The following INSIG1 variants were observed in gnomAD, a reference collection of about 807,000 sequenced individuals.
INSIG1 encodes the protein insulin induced gene 1.
Under a neutral mutation model 26.5 loss-of-function variants are expected in INSIG1, and 14 were observed. The ratio of observed to expected loss-of-function variants is 0.53; its 90% CI spans 0.35 to 0.83. INSIG1 has a LOEUF of 0.83. INSIG1 is among the 40% of genes least tolerant of loss of function. The pLI is 0.01. For synonymous variants in INSIG1, 147 were observed against 153.3 expected (o/e 0.96, Z 0.30); for missense variants, 272 against 368.9 (o/e 0.74, Z 2.15).
chr7:155,303,080 C>T, intron 5 of INSIG1: 1 of 382,952 alleles, frequency 2.6e-6, no homozygotes, highest in South Asian at 3.3e-5. Context: ...CTCGCACTGC[C>T]CCTTTGAATT....
chr7:155,305,489 T>C (rs908436873), intron 5 of INSIG1, among the ~76,000 whole-genome samples: 6 of 152,194 alleles, frequency 3.9e-5, no homozygotes, highest in Non-Finnish European at 8.8e-5. Context: ...ACTCTTGTCA[T>C]ACTGTTGACT....
chr7:155,304,435 G>A (rs1233983247), intron 5 of INSIG1, among the ~76,000 whole-genome samples: 2 of 152,194 alleles, frequency 1.3e-5, no homozygotes, highest in Non-Finnish European at 2.9e-5. Context: ...TCCTAAGAAG[G>A]TTTTTAGAAT....
At chr7:155,300,489 C>G (rs1277204946) in intron 2 of INSIG1, among the ~76,000 whole-genome samples, 1 of 152,000 alleles carries the variant, frequency 6.6e-6, no homozygotes, top group Non-Finnish European at 1.5e-5. Flanking sequence ...TCAGTTGAAC[C>G]TAAAATGTAT....
chr7:155,300,228 G>A (rs1425676741), intron 2 of INSIG1, among the ~76,000 whole-genome samples: 2 of 150,722 alleles, frequency 1.3e-5, no homozygotes, highest in African/African-American at 5.0e-5. Flanking sequence ...GGATCCTCAA[G>A]GGTTTCTAGG....
At chr7:155,308,078 C>CG (rs1350126480) in intron 5 of INSIG1, among the ~76,000 whole-genome samples, 163 bp from the exon 6 acceptor site, 1 of 152,156 alleles carries the variant, frequency 6.6e-6, no homozygotes, top group Non-Finnish European at 1.5e-5. Flanking sequence ...GAGCTGGCCT[C>CG]GGTCTCCAGT....
chr7:155,308,462 T>C lies in INSIG1; in HGVS notation c.*192T>C. ...AGAATGATGACTTACCCTGAAGTCTTCCCTTGACTGCCCGCACTGGCGCCT... is the reference window on the plus strand; with the variant it reads ...AGAATGATGACTTACCCTGAAGTCTCCCCTTGACTGCCCGCACTGGCGCCT... On this transcript the variant is annotated 3_prime_UTR_variant, in exon 6 of 6. Transcript: ENST00000340368. 1.4e-6 allele frequency: 1 copy of C among 699,654 alleles called. No individual in the cohort carries two copies. The highest frequency in any genetic ancestry group is 2.5e-6 in the Non-Finnish European group (1 of 394,430). 43.3% of individuals were successfully genotyped at this position (699,654 alleles called of 1,614,324 possible).
intron 5 of INSIG1, 198 bp downstream of exon 5, chr7:155,303,044 T>C (rs1797832480): frequency 2.1e-6 from 1 of 471,608 alleles, no homozygotes; most frequent in Non-Finnish European, 3.8e-6. Context: ...ATTCATAATA[T>C]TTGATCTAGA....
intron 5 of INSIG1, among the ~76,000 whole-genome samples, chr7:155,307,675 CAG>C (rs1797972516): frequency 1.3e-5 from 2 of 152,130 alleles, no homozygotes; most frequent in Non-Finnish European, 2.9e-5. Context: ...TGAGGGCACA[CAG>C]AGCTTCAGTA....
At chr7:155,307,807 T>G (rs1343871995) in intron 5 of INSIG1, among the ~76,000 whole-genome samples, 2 of 152,226 alleles carry the variant, frequency 1.3e-5, no homozygotes, top group African/African-American at 2.4e-5. Flanking sequence ...AGATAAAGGT[T>G]CAATCCCTTA....
rs1797816457 is a variant in INSIG1 at position 155,302,474 on chromosome 7, C to T, written c.704+57C>T. The T allele has an allele frequency of 2.0e-5, 29 of 1,420,924 alleles. No homozygotes were observed. The highest frequency in any genetic ancestry group is 2.7e-5 in the Non-Finnish European group (28 of 1,049,210). The allele number at this position is 1,420,924 out of a possible 1,614,324, so 88.0% of individuals were successfully genotyped here. A position where few individuals can be genotyped will look rare whatever the true frequency, so the allele number is the denominator to read the frequency against. On this transcript the variant is annotated intron_variant, in intron 4 of 5. Coordinates refer to ENST00000340368, the MANE Select transcript of INSIG1 (RefSeq NM_005542.6). The surrounding 1 kb of genome is among the most constrained non-coding windows in gnomAD (Gnocchi z 4.3). ...AAAGCTTACTTAACTTTCATTAAAA[C>T]ATCCACTAAGCTTAGATATTTTCAT...
chr7:155,299,326 A>G (rs957102179), intron 2 of INSIG1, among the ~76,000 whole-genome samples: 1 of 152,240 alleles, frequency 6.6e-6, no homozygotes, highest in African/African-American at 2.4e-5. Context: ...ACACCCAAGC[A>G]GTAGCATAGA....
intron 5 of INSIG1, among the ~76,000 whole-genome samples, chr7:155,307,644 A>T (rs966030486): frequency 6.6e-6 from 1 of 152,180 alleles, no homozygotes; most frequent in Non-Finnish European, 1.5e-5. Context: ...GGATTTCCCA[A>T]CTGTGAAGCT....
chr7:155,302,485 CT>C lies in INSIG1; in HGVS notation c.704+70del. Reference sequence around the variant, plus strand: ...AACTTTCATTAAAACATCCACTAAGCTTAGATATTTTCATATTTTATTTGTT... The same window carrying C: ...AACTTTCATTAAAACATCCACTAAGCTAGATATTTTCATATTTTATTTGTT... On this transcript the variant is annotated intron_variant, in intron 4 of 5. Coordinates refer to ENST00000340368, the MANE Select transcript of INSIG1 (RefSeq NM_005542.6). The surrounding 1 kb of genome is among the most constrained non-coding windows in gnomAD (Gnocchi z 4.3). The C allele has an allele frequency of 7.3e-7, 1 of 1,366,792 alleles. No homozygotes were observed. 84.7% of individuals were successfully genotyped at this position (1,366,792 alleles called of 1,614,324 possible).
At chr7:155,301,416 C>G (rs1274509547) in intron 2 of INSIG1, 150 bp from the exon 3 acceptor site, 1 of 697,722 alleles carries the variant, frequency 1.4e-6, no homozygotes, top group Non-Finnish European at 2.2e-6. Context: ...TCAAAGAGAA[C>G]AAGAATATAA....
chr7:155,304,131 CTT>C (rs1308565049), intron 5 of INSIG1, among the ~76,000 whole-genome samples: 1 of 152,102 alleles, frequency 6.6e-6, no homozygotes, highest in African/African-American at 2.4e-5. Flanking sequence ...ACCCGGCTAA[CTT>C]TTTTGCTTTT....
chr7:155,301,011 C>T (rs1249614138), intron 2 of INSIG1, among the ~76,000 whole-genome samples: 2 of 152,174 alleles, frequency 1.3e-5, no homozygotes, highest in Admixed American at 6.5e-5. Context: ...CTAGAACCCC[C>T]GAAAATCAAC....
At chr7:155,304,567 G>A (rs531596306) in intron 5 of INSIG1, among the ~76,000 whole-genome samples, 1 of 152,154 alleles carries the variant, frequency 6.6e-6, no homozygotes, top group East Asian at 1.9e-4. Context: ...TTTTTAAATC[G>A]GTTTTAAGAA....
At chr7:155,298,767 A>T in intron 2 of INSIG1, 70 bp downstream of exon 2, 1 of 1,368,900 alleles carries the variant, frequency 7.3e-7, no homozygotes, top group Non-Finnish European at 1.0e-6. Context: ...TTTTCAGCCT[A>T]TAAGAAACAT....
intron 5 of INSIG1, among the ~76,000 whole-genome samples, chr7:155,305,316 C>T (rs1164559545): frequency 1.3e-5 from 2 of 151,930 alleles, no homozygotes; most frequent in Non-Finnish European, 2.9e-5. Context: ...CTCTTTTTTT[C>T]ACTTCAAAAT....
Sources: gnomAD v4.1 joint callset for allele counts (sites outside exome capture counted in the v4.1 genomes callset) on GRCh38, gnomAD v4.1.1 for gene constraint, Gnocchi (gnomAD v3.1) non-coding constraint, MANE v1.5 for transcripts, NCBI Gene and HGNC (gene_info 2026-07-23, HGNC 2026-07-21) for gene names.